Variants in DLGAP2 observed in about 807,000 individuals in gnomAD.
DLGAP2 encodes the protein disks large-associated protein 2.
Under a neutral mutation model 100.3 loss-of-function variants are expected in DLGAP2, and 26 were observed. The ratio of observed to expected loss-of-function variants is 0.26; its 90% CI spans 0.19 to 0.36. The LOEUF (loss-of-function observed/expected upper bound fraction) is 0.36. DLGAP2 is among the 10% of genes least tolerant of loss of function. The pLI, the probability that DLGAP2 is intolerant of heterozygous loss-of-function variation, is 1.00. For synonymous variants in DLGAP2, 886 were observed against 630.1 expected (o/e 1.41, Z -6.08); for missense variants, 1,858 against 1,453.2 (o/e 1.28, Z -4.53).
At chr8:1,496,207 G>A (rs1799540999) in intron 3 of DLGAP2, among the ~76,000 whole-genome samples, 1 of 152,010 alleles carries the variant, frequency 6.6e-6, no homozygotes. Context: ...AGAGTGTTCT[G>A]CCTCCCTCCA....
At chr8:835,052 C>T (rs1215493539) in intron 1 of DLGAP2, among the ~76,000 whole-genome samples, 1 of 152,038 alleles carries the variant, frequency 6.6e-6, no homozygotes, top group African/African-American at 2.4e-5. Context: ...CACATGTGTG[C>T]ACGTGTTAGT....
At chr8:825,287 C>T (rs1796666092) in intron 1 of DLGAP2, among the ~76,000 whole-genome samples, 9 of 152,210 alleles carry the variant, frequency 5.9e-5, no homozygotes, top group Admixed American at 5.9e-4. Context: ...TAGATTCTAC[C>T]TTGGGAGGGT....
chr8:892,788 C>T (rs1798063292), intron 1 of DLGAP2, among the ~76,000 whole-genome samples: 1 of 152,178 alleles, frequency 6.6e-6, no homozygotes, highest in African/African-American at 2.4e-5. Flanking sequence ...GTAGCAGCAA[C>T]ATCTCAGGTT....
At chr8:955,975 G>C (rs761034453) in intron 2 of DLGAP2, among the ~76,000 whole-genome samples, 6 of 152,116 alleles carry the variant, frequency 3.9e-5, no homozygotes, top group Non-Finnish European at 8.8e-5. Context: ...TTTGGGCCCT[G>C]TGACTTTGGG....
chr8:762,282 C>T lies in DLGAP2; in HGVS notation c.18+24457C>T, dbSNP rs149032523. ...CTTTTTATGTGCAACTTATTACCAACGATATGGAATATCTTTGTCAAACTC... is the reference window on the plus strand; with the variant it reads ...CTTTTTATGTGCAACTTATTACCAATGATATGGAATATCTTTGTCAAACTC... On this transcript the variant is annotated intron_variant, in intron 1 of 14. Coordinates refer to ENST00000637795, the MANE Select transcript of DLGAP2 (RefSeq NM_001346810.2). 4.7e-3 allele frequency among the ~76,000 whole-genome samples: 709 copies of T among 152,286 alleles called. 6 individuals are homozygous for T. Among genetic ancestry groups the T allele is most frequent in the Middle Eastern group, 0.02 (6 of 294 alleles).
intron 2 of DLGAP2, among the ~76,000 whole-genome samples, chr8:1,012,328 T>A (rs1286719020): frequency 1.3e-5 from 2 of 152,194 alleles, no homozygotes; most frequent in African/African-American, 4.8e-5. Context: ...AAGAACGCAC[T>A]CTCGGAAGCC....
intron 4 of DLGAP2, among the ~76,000 whole-genome samples, chr8:1,540,979 C>A (rs968680984): frequency 6.6e-6 from 1 of 152,120 alleles, no homozygotes; most frequent in African/African-American, 2.4e-5. Context: ...AGAATTCGGC[C>A]CAGGGATCCA....
intron 3 of DLGAP2, among the ~76,000 whole-genome samples, chr8:1,385,324 G>A (rs1178323148): frequency 2.3e-4 from 7 of 30,230 alleles, no homozygotes; most frequent in African/African-American, 7.8e-4. Flanking sequence ...AGAACTTGGT[G>A]CACAATTACC....
intron 1 of DLGAP2, among the ~76,000 whole-genome samples, chr8:812,635 A>T (rs1796393354): frequency 1.3e-5 from 2 of 152,196 alleles, no homozygotes; most frequent in African/African-American, 4.8e-5. Context: ...AGAGTAATAT[A>T]TTATAAACTA....
At chr8:1,213,962 T>C (rs1798160242) in intron 2 of DLGAP2, among the ~76,000 whole-genome samples, 1 of 152,066 alleles carries the variant, frequency 6.6e-6, no homozygotes, top group African/African-American at 2.4e-5. Flanking sequence ...AATTTCCCCA[T>C]CTCCAGCCTT....
chr8:970,498 G>T (rs962650794), intron 2 of DLGAP2, among the ~76,000 whole-genome samples: 1 of 152,266 alleles, frequency 6.6e-6, no homozygotes, highest in Non-Finnish European at 1.5e-5. Flanking sequence ...TCTGTACTTG[G>T]ATACATTTCT....
At chr8:846,704 C>T (rs946095693) in intron 1 of DLGAP2, among the ~76,000 whole-genome samples, 8 of 152,068 alleles carry the variant, frequency 5.3e-5, no homozygotes, top group East Asian at 1.9e-4. Context: ...TTTTTAGGAA[C>T]CTTGATACTG....
At chr8:1,647,530 C>CATCTTT (rs1798070172) in intron 8 of DLGAP2, among the ~76,000 whole-genome samples, 1 of 118,326 alleles carries the variant, frequency 8.5e-6, no homozygotes, top group South Asian at 2.9e-4. Context: ...AAAAAAAGTG[C>CATCTTT]ATCTTTATCT....
intron 5 of DLGAP2, among the ~76,000 whole-genome samples, chr8:1,551,931 G>A (rs1399310820): frequency 6.6e-6 from 1 of 152,188 alleles, no homozygotes; most frequent in Non-Finnish European, 1.5e-5. Context: ...CCGCCTGGCA[G>A]CTGCTGATGA....
At chr8:931,116 G>A (rs1020066174) in intron 2 of DLGAP2, among the ~76,000 whole-genome samples, 2 of 152,126 alleles carry the variant, frequency 1.3e-5, no homozygotes, top group South Asian at 2.1e-4. Context: ...TGTGTAGGTA[G>A]GAGGTATGTG....
chr8:1,157,776 C>T (rs570996138), intron 2 of DLGAP2, among the ~76,000 whole-genome samples: 4 of 152,328 alleles, frequency 2.6e-5, no homozygotes, highest in African/African-American at 9.6e-5. Context: ...ATTTGAAAAG[C>T]CTTTTCAACA....
chr8:1,516,973 A>T (rs1197820942), intron 4 of DLGAP2, among the ~76,000 whole-genome samples: 1 of 152,228 alleles, frequency 6.6e-6, no homozygotes, highest in Non-Finnish European at 1.5e-5. Flanking sequence ...TGTCTCAGGC[A>T]GCGAGAGCCT....
At chr8:776,707 C>T (rs1337009916) in intron 1 of DLGAP2, among the ~76,000 whole-genome samples, 1 of 152,148 alleles carries the variant, frequency 6.6e-6, no homozygotes, top group Non-Finnish European at 1.5e-5. Context: ...GCACTGTGGT[C>T]TGAGAGATAG....
At chr8:833,291 T>A (rs764488146) in intron 1 of DLGAP2, among the ~76,000 whole-genome samples, 3 of 152,166 alleles carry the variant, frequency 2.0e-5, no homozygotes, top group Non-Finnish European at 2.9e-5. Flanking sequence ...TGTAACAAAT[T>A]ACCACACACT....
Sources: allele counts gnomAD v4.1 joint callset (sites outside exome capture counted in the v4.1 genomes callset), GRCh38; gene constraint gnomAD v4.1.1; transcripts MANE v1.5; gene names NCBI Gene and HGNC (gene_info 2026-07-23, HGNC 2026-07-21).